Variants in TENM3 observed in about 807,000 individuals in gnomAD.
TENM3 encodes the protein teneurin transmembrane protein 3.
TENM3 carries 63 observed loss-of-function variants against 255.1 expected under a neutral mutation model. That is an observed-to-expected ratio of 0.25 (90% CI 0.20 to 0.30). TENM3 has a LOEUF of 0.30. TENM3 is among the 10% of genes least tolerant of loss of function. The probability of loss-of-function intolerance (pLI) is 1.00; values close to 1 mark genes in which losing one functional copy is unlikely to be tolerated. For synonymous variants in TENM3, 1,306 were observed against 1,322.3 expected, an observed-to-expected ratio of 0.99 and a Z score of 0.27; for missense variants, 2,929 against 3,461.1, an observed-to-expected ratio of 0.85 and a Z score of 3.86.
the TENM3 span, among the ~76,000 whole-genome samples, chr4:181,857,818 A>G: frequency 6.6e-6 from 1 of 151,996 alleles, no homozygotes; most frequent in East Asian, 1.9e-4. Flanking sequence ...TGGGGAAGCC[A>G]TTGGCAGTGT....
At chr4:182,753,659 T>G in intron 21 of TENM3, 55 bp downstream of exon 21, 1 of 1,550,674 alleles carries the variant, frequency 6.4e-7, no homozygotes, top group Non-Finnish European at 8.9e-7. Context: ...CTTGACTTAT[T>G]CAGTCGGTAG....
At chr4:182,111,580 C>G in the TENM3 span, among the ~76,000 whole-genome samples, 1 of 152,136 alleles carries the variant, frequency 6.6e-6, no homozygotes, top group Non-Finnish European at 1.5e-5. Context: ...AAATGTGGAC[C>G]CACAGATGGA....
chr4:182,016,038 A>G, the TENM3 span, among the ~76,000 whole-genome samples: 15 of 152,226 alleles, frequency 9.9e-5, no homozygotes, highest in African/African-American at 3.4e-4. Context: ...ATCTGATGTC[A>G]TTTTCAGCCA....
chr4:182,396,887 G>A (rs762613182), intron 3 of TENM3, among the ~76,000 whole-genome samples: 1 of 152,128 alleles, frequency 6.6e-6, no homozygotes, highest in Admixed American at 6.5e-5. Context: ...GCTTGTACGC[G>A]AGAGTGGGAG....
At chr4:182,773,404 TTA>T in intron 22 of TENM3, 66 bp from the exon 23 acceptor site, 2 of 1,390,816 alleles carry the variant, frequency 1.4e-6, no homozygotes, top group Non-Finnish European at 9.8e-7. Flanking sequence ...TTGCTACACA[TTA>T]TATTTATAAG....
At chr4:181,977,526 T>C in the TENM3 span, among the ~76,000 whole-genome samples, 1 of 152,164 alleles carries the variant, frequency 6.6e-6, no homozygotes. Flanking sequence ...GAGACAGTTC[T>C]GGAAGGCTGC....
At chr4:182,641,203 AACAC>A (rs1752274863) in intron 5 of TENM3, among the ~76,000 whole-genome samples, 1 of 152,212 alleles carries the variant, frequency 6.6e-6, no homozygotes, top group African/African-American at 2.4e-5. Flanking sequence ...CACCTGTGCA[AACAC>A]ACACACGTAT....
At chr4:181,959,669 C>A in the TENM3 span, among the ~76,000 whole-genome samples, 493 of 152,082 alleles carry the variant, frequency 3.2e-3, 3 homozygotes, top group African/African-American at 0.011. Flanking sequence ...ATCTTACATA[C>A]CAACAAAATG....
intron 1 of TENM3, among the ~76,000 whole-genome samples, chr4:182,201,284 T>A (rs1440161506): frequency 2.0e-5 from 3 of 152,216 alleles, no homozygotes; most frequent in Non-Finnish European, 2.9e-5. Context: ...TTTTTTCTTT[T>A]TTTGTCGGGG....
chr4:181,621,728 G>A, the TENM3 span, among the ~76,000 whole-genome samples: 325 of 152,244 alleles, frequency 2.1e-3, no homozygotes, highest in African/African-American at 7.3e-3. Flanking sequence ...AGATAGGTTC[G>A]TGGAGTCAAG....
chr4:182,358,478 C>G (rs1370223758), intron 3 of TENM3, among the ~76,000 whole-genome samples: 1 of 149,748 alleles, frequency 6.7e-6, no homozygotes, highest in Non-Finnish European at 1.5e-5. Flanking sequence ...CTCTTTGAAA[C>G]AATTGTGAAT....
chr4:182,408,841 A>T (rs1769768633), intron 3 of TENM3, among the ~76,000 whole-genome samples: 1 of 152,242 alleles, frequency 6.6e-6, no homozygotes, highest in Non-Finnish European at 1.5e-5. Context: ...AATGAATCAC[A>T]TGGGATGCCC....
At chr4:181,716,304 A>C in the TENM3 span, among the ~76,000 whole-genome samples, 1 of 152,342 alleles carries the variant, frequency 6.6e-6, no homozygotes, top group Non-Finnish European at 1.5e-5. Flanking sequence ...AATTAATTAT[A>C]ATATGCCGTT....
At chr4:182,141,360 A>G (rs925915238), upstream of TENM3, 1 of 152,232 alleles carries the variant, frequency 6.6e-6, no homozygotes, top group African/African-American at 2.4e-5. Context: ...GTGAGGTAAA[A>G]AGCATGATGG....
chr4:181,464,204 C>T, the TENM3 span, among the ~76,000 whole-genome samples: 2 of 152,146 alleles, frequency 1.3e-5, no homozygotes, highest in Non-Finnish European at 2.9e-5. Context: ...CAAATCATTG[C>T]TTACCATTTT....
At chr4:181,859,290 A>G in the TENM3 span, among the ~76,000 whole-genome samples, 6 of 150,212 alleles carry the variant, frequency 4.0e-5, no homozygotes, top group African/African-American at 7.3e-5. Context: ...CTTATGCCAT[A>G]TGAACTATCT....
intron 3 of TENM3, among the ~76,000 whole-genome samples, chr4:182,546,116 G>A (rs1057398150): frequency 1.3e-5 from 2 of 152,166 alleles, no homozygotes; most frequent in Non-Finnish European, 2.9e-5. Context: ...TCATCACAAA[G>A]GTCTTCATCC....
At chr4:181,883,979 A>T in the TENM3 span, among the ~76,000 whole-genome samples, 1 of 152,190 alleles carries the variant, frequency 6.6e-6, no homozygotes, top group South Asian at 2.1e-4. Context: ...GGGAGGCTGC[A>T]TCCTGGTCCC....
intron 1 of TENM3, among the ~76,000 whole-genome samples, chr4:182,299,034 A>T (rs1761686270): frequency 7.6e-6 from 1 of 131,180 alleles, no homozygotes; most frequent in Non-Finnish European, 1.6e-5. Context: ...TGGACTGGCC[A>T]CTGCAGATTG....
Sources: gnomAD v4.1 joint callset for allele counts (sites outside exome capture counted in the v4.1 genomes callset) on GRCh38, gnomAD v4.1.1 for gene constraint, MANE v1.5 for transcripts, NCBI Gene and HGNC (gene_info 2026-07-23, HGNC 2026-07-21) for gene names.